Variants in CLNK observed in about 807,000 individuals in gnomAD.
CLNK encodes cytokine dependent hematopoietic cell linker, also known as cytokine-dependent hematopoietic cell linker.
Under a neutral mutation model 68.6 loss-of-function variants are expected in CLNK, and 74 were observed. The observed-to-expected ratio is 1.08, with a 90% CI of 0.89 to 1.31. The LOEUF is 1.31. Ranked by LOEUF, CLNK falls within the 50% of genes most tolerant of loss-of-function variation. CLNK has a pLI of 0.00. For missense variants in CLNK, 553 were observed against 515.3 expected, an observed-to-expected ratio of 1.07 and a Z score of -0.71; for synonymous variants, 198 against 172.2, an observed-to-expected ratio of 1.15 and a Z score of -1.17.
Position 10,616,790 on chromosome 4 carries a change from GTATATATATA to G in CLNK, c.12-18751_12-18742del, listed in dbSNP as rs58333228. Among the ~76,000 whole-genome samples, 14 of 64,358 alleles carry G rather than the reference GTATATATATA, an allele frequency of 2.2e-4. 1 individual carries two copies. Among genetic ancestry groups the G allele is most frequent in the African/African-American group, 5.0e-4 (12 of 23,916 alleles). 42.2% of individuals were successfully genotyped at this position (64,358 alleles called of 152,430 possible). A position where few individuals can be genotyped will look rare whatever the true frequency, so the allele number is the denominator to read the frequency against. ...TGTGTGTGTATATATGTGTGTGTGT[GTATATATATA>G]TATATATATATATATATATATATAC... On this transcript the variant is annotated intron_variant, in intron 2 of 18. Coordinates refer to ENST00000226951, the MANE Select transcript of CLNK (RefSeq NM_052964.4).
At chr4:10,701,071 ACTT>A in the CLNK span, among the ~76,000 whole-genome samples, 2 of 152,226 alleles carry the variant, frequency 1.3e-5, no homozygotes, top group South Asian at 2.1e-4. Flanking sequence ...TAAGCCCTCA[ACTT>A]CTTCTTCCAA....
chr4:10,565,092 AC>A (rs1369870605), intron 6 of CLNK, among the ~76,000 whole-genome samples: 1 of 152,112 alleles, frequency 6.6e-6, no homozygotes, highest in South Asian at 2.1e-4. Context: ...CCACCCAGTC[AC>A]ACCCCATGCC....
rs181964197 is a variant in CLNK, at chr4:10,536,293, T to A, written c.603-4010A>T. 2.4e-4 allele frequency among the ~76,000 whole-genome samples: 36 copies of A among 152,354 alleles called. 1 individual carries two copies. Among genetic ancestry groups the A allele is most frequent in the Admixed American group, 2.2e-3 (34 of 15,308 alleles). On this transcript the variant is annotated intron_variant, in intron 11 of 18. Transcript: ENST00000226951. ...GAGACGGAGCAGGCACTCTCCTGCA[T>A]GGTTCGGCTGCAGAAGCTCTGATTG...
chr4:10,634,479 C>T (rs1296045570), intron 2 of CLNK, among the ~76,000 whole-genome samples: 1 of 152,184 alleles, frequency 6.6e-6, no homozygotes, highest in Non-Finnish European at 1.5e-5. Context: ...CCTTGCAACT[C>T]AAGCTTCATG....
chr4:10,599,084 G>T (rs376508277), intron 2 of CLNK, among the ~76,000 whole-genome samples: 1 of 152,206 alleles, frequency 6.6e-6, no homozygotes, highest in South Asian at 2.1e-4. Context: ...CACAGCACTT[G>T]CCTGAGTTTT....
chr4:10,495,570 A>G (rs537624202), intron 18 of CLNK, among the ~76,000 whole-genome samples: 4 of 152,290 alleles, frequency 2.6e-5, no homozygotes, highest in South Asian at 4.2e-4. Flanking sequence ...ATTCCCCCCA[A>G]TATGTCCATG....
chr4:10,607,748 A>AT, intron 2 of CLNK, among the ~76,000 whole-genome samples: 1 of 152,328 alleles, frequency 6.6e-6, no homozygotes, highest in Middle Eastern at 3.4e-3. Context: ...ATCCTGGACA[A>AT]TGAGTCCAGG....
chr4:10,558,304 G>A (rs1719753658), intron 8 of CLNK, 103 bp downstream of exon 8: 3 of 915,916 alleles, frequency 3.3e-6, no homozygotes, highest in Non-Finnish European at 3.6e-6. Context: ...AGATCACCTT[G>A]TGTAAGATCA....
chr4:10,689,074 T>C (rs912361089), upstream of CLNK, among the ~76,000 whole-genome samples: 1 of 152,090 alleles, frequency 6.6e-6, no homozygotes, highest in Non-Finnish European at 1.5e-5. Context: ...GGCAAAACCT[T>C]ACCTAACCTT....
chr4:10,731,099 C>G, the CLNK span, among the ~76,000 whole-genome samples: 1 of 152,172 alleles, frequency 6.6e-6, no homozygotes, highest in South Asian at 2.1e-4. Context: ...TCTCTTCTAG[C>G]TACTTTGACA....
intron 2 of CLNK, chr4:10,635,630 T>G (rs1468521373): frequency 6.6e-6 from 1 of 152,196 alleles, no homozygotes; most frequent in African/African-American, 2.4e-5. Flanking sequence ...TTTAAATCTT[T>G]GCATATTGCT....
chr4:10,716,881 A>G, the CLNK span, among the ~76,000 whole-genome samples: 7 of 151,944 alleles, frequency 4.6e-5, no homozygotes, highest in Non-Finnish European at 7.4e-5. Context: ...TTTAGTAGAG[A>G]CAGGGTTTCA....
intron 11 of CLNK, among the ~76,000 whole-genome samples, chr4:10,538,838 T>A (rs191232094): frequency 1.3e-5 from 2 of 152,196 alleles, no homozygotes; most frequent in African/African-American, 2.4e-5. Flanking sequence ...TAGGTACCAA[T>A]GGAGAAGGGC....
intron 2 of CLNK, among the ~76,000 whole-genome samples, chr4:10,603,368 G>C (rs1444591412): frequency 6.6e-6 from 1 of 152,094 alleles, no homozygotes; most frequent in Non-Finnish European, 1.5e-5. Flanking sequence ...TCACCTAACT[G>C]GTCATTGTTT....
At chr4:10,631,420 A>T (rs929444941) in intron 2 of CLNK, among the ~76,000 whole-genome samples, 12 of 152,254 alleles carry the variant, frequency 7.9e-5, no homozygotes, top group African/African-American at 2.9e-4. Flanking sequence ...AGATGCTCAG[A>T]CCAAGAAAGA....
In CLNK at chr4:10,502,531, C is replaced by T. The variant is rs77824476; in HGVS notation, c.985-1120G>A. On this transcript the variant is annotated intron_variant, in intron 17 of 18. Coordinates refer to ENST00000226951, the MANE Select transcript of CLNK (RefSeq NM_052964.4). Reference sequence around the variant, plus strand: ...CCTCATGGAAAAGCTCTTCTCCTGCCCCCTTCTTGATGTATTCATCTCTCA... The same window carrying T: ...CCTCATGGAAAAGCTCTTCTCCTGCTCCCTTCTTGATGTATTCATCTCTCA... Among the ~76,000 whole-genome samples the T allele has an allele frequency of 1.8e-3, 266 of 151,972 alleles. 1 individual carries two copies. The highest frequency in any genetic ancestry group is 6.1e-3 in the African/African-American group (255 of 41,464).
At chr4:10,567,675 T>A (rs979747061) in intron 5 of CLNK, among the ~76,000 whole-genome samples, 2 of 152,194 alleles carry the variant, frequency 1.3e-5, no homozygotes, top group African/African-American at 4.8e-5. Flanking sequence ...ATCATGTATC[T>A]GATAAGGAGC....
upstream of CLNK, chr4:10,685,152 A>G (rs1725224263): frequency 6.6e-6 from 1 of 152,166 alleles, no homozygotes; most frequent in South Asian, 2.1e-4. Flanking sequence ...AGACCATCCC[A>G]GACACATGGA....
chr4:10,504,893 C>CT (rs1231906302), intron 17 of CLNK, among the ~76,000 whole-genome samples: 1 of 152,128 alleles, frequency 6.6e-6, no homozygotes, highest in Non-Finnish European at 1.5e-5. Context: ...AGTCATTTAA[C>CT]TGAGATTTTA....
Sources: allele counts gnomAD v4.1 joint callset (sites outside exome capture counted in the v4.1 genomes callset), GRCh38; gene constraint gnomAD v4.1.1; transcripts MANE v1.5; gene names NCBI Gene and HGNC (gene_info 2026-07-23, HGNC 2026-07-21).